The following GNAQ variants were observed in gnomAD, a reference collection of about 807,000 sequenced individuals.
GNAQ encodes guanine nucleotide-binding protein G(q) subunit alpha.
In GNAQ, 8 loss-of-function variants were observed where a neutral mutation model predicts 43.9. The observed-to-expected ratio is 0.18, with a 90% CI of 0.11 to 0.33. The LOEUF is 0.33. GNAQ is among the 10% of genes least tolerant of loss of function. The pLI, the probability that GNAQ is intolerant of heterozygous loss-of-function variation, is 1.00. For missense variants in GNAQ, 158 were observed against 450.8 expected (o/e 0.35, Z 5.88); for synonymous variants, 155 against 170.7 (o/e 0.91, Z 0.71).
chr9:77,940,508 G>A (rs1829299280), intron 1 of GNAQ, among the ~76,000 whole-genome samples: 3 of 152,120 alleles, frequency 2.0e-5, no homozygotes, highest in Admixed American at 1.3e-4. Flanking sequence ...GAGCCTGGGA[G>A]GTCAAGGCTG....
chr9:77,958,590 G>C (rs1484791820), intron 1 of GNAQ, among the ~76,000 whole-genome samples: 1 of 152,144 alleles, frequency 6.6e-6, no homozygotes, highest in Admixed American at 6.5e-5. Flanking sequence ...AACCAGTTTA[G>C]GTTAAATTAT....
At chr9:77,991,571 C>G (rs561030483) in intron 1 of GNAQ, among the ~76,000 whole-genome samples, 1 of 152,212 alleles carries the variant, frequency 6.6e-6, no homozygotes, top group Admixed American at 6.5e-5. Context: ...TCTTAAAAAT[C>G]TTTTTTTAAT....
chr9:77,901,409 GTTCC>G (rs891272031), intron 2 of GNAQ, among the ~76,000 whole-genome samples: 5 of 152,138 alleles, frequency 3.3e-5, no homozygotes, highest in African/African-American at 1.2e-4. Context: ...TCCTGGGACT[GTTCC>G]TGTACTTTCT....
chr9:77,925,379 T>A (rs1587413392), intron 1 of GNAQ, among the ~76,000 whole-genome samples: 1 of 152,162 alleles, frequency 6.6e-6, no homozygotes, highest in African/African-American at 2.4e-5. Context: ...AAGCCAATCA[T>A]GATAAAGAAA....
intron 1 of GNAQ, among the ~76,000 whole-genome samples, chr9:77,942,291 G>T (rs1383231665): frequency 6.6e-6 from 1 of 152,118 alleles, no homozygotes; most frequent in Non-Finnish European, 1.5e-5. Context: ...AGATAAAACT[G>T]AGATAAAATA....
chr9:77,788,867 T>C (rs1034648490), intron 5 of GNAQ, among the ~76,000 whole-genome samples: 14 of 152,318 alleles, frequency 9.2e-5, no homozygotes, highest in Admixed American at 2.0e-4. Context: ...ATTCTAACAC[T>C]TGGTTCCCTC....
chr9:77,795,994 T>C (rs1826652417), intron 4 of GNAQ, among the ~76,000 whole-genome samples: 1 of 152,238 alleles, frequency 6.6e-6, no homozygotes, highest in African/African-American at 2.4e-5. Flanking sequence ...TGAAATGCTA[T>C]GTTTTCTAAA....
At chr9:77,912,984 A>C (rs376491161) in intron 2 of GNAQ, among the ~76,000 whole-genome samples, 1 of 152,136 alleles carries the variant, frequency 6.6e-6, no homozygotes, top group East Asian at 1.9e-4. Flanking sequence ...CACAAACCAA[A>C]ACTAGTAATA....
At chr9:77,933,293 G>A (rs887622092) in intron 1 of GNAQ, among the ~76,000 whole-genome samples, 3 of 152,150 alleles carry the variant, frequency 2.0e-5, no homozygotes, top group Admixed American at 1.3e-4. Flanking sequence ...AATCTCCTTA[G>A]CTAAAGAAAA....
At chr9:77,822,344 A>G (rs1037896551) in intron 2 of GNAQ, among the ~76,000 whole-genome samples, 1 of 152,182 alleles carries the variant, frequency 6.6e-6, no homozygotes, top group African/African-American at 2.4e-5. Context: ...ACCCTGGCAT[A>G]ATAGGTAAAT....
chr9:78,001,260 G>A (rs1449032865), intron 1 of GNAQ, among the ~76,000 whole-genome samples: 1 of 152,020 alleles, frequency 6.6e-6, no homozygotes, highest in African/African-American at 2.4e-5. Flanking sequence ...AAATTGCCAG[G>A]CTTGGTAGTG....
chr9:77,990,863 C>A (rs1258446686), intron 1 of GNAQ, among the ~76,000 whole-genome samples: 1 of 152,178 alleles, frequency 6.6e-6, no homozygotes, highest in East Asian at 1.9e-4. Context: ...TTTGCCTGCC[C>A]TCTCATACAC....
chr9:77,805,662 C>T (rs539996283), intron 3 of GNAQ, among the ~76,000 whole-genome samples: 26 of 152,178 alleles, frequency 1.7e-4, no homozygotes, highest in Non-Finnish European at 3.2e-4. Context: ...CCTCAGCCTC[C>T]CAAAGTGCTG....
intron 5 of GNAQ, among the ~76,000 whole-genome samples, chr9:77,793,909 C>T (rs1370221203): frequency 4.6e-5 from 7 of 152,270 alleles, no homozygotes; most frequent in East Asian, 1.9e-4. Flanking sequence ...CAACTGCTCA[C>T]TGCTTAATAG....
chr9:77,855,481 T>C (rs1032656591), intron 2 of GNAQ, among the ~76,000 whole-genome samples: 1 of 152,172 alleles, frequency 6.6e-6, no homozygotes, highest in South Asian at 2.1e-4. Flanking sequence ...TTTTGCATGG[T>C]ATATCTATAT....
chr9:77,852,764 C>A (rs1310001644), intron 2 of GNAQ, among the ~76,000 whole-genome samples: 4 of 152,342 alleles, frequency 2.6e-5, no homozygotes, highest in East Asian at 3.9e-4. Context: ...GGAAACCTCA[C>A]ATTTTCATAT....
intron 5 of GNAQ, among the ~76,000 whole-genome samples, chr9:77,734,708 T>C (rs776939940): frequency 3.3e-5 from 5 of 151,940 alleles, no homozygotes; most frequent in Non-Finnish European, 5.9e-5. Context: ...GTGACTGTGA[T>C]TCTGTGATGA....
chr9:77,857,725 TA>T (rs1445404412), intron 2 of GNAQ, among the ~76,000 whole-genome samples: 27 of 150,776 alleles, frequency 1.8e-4, no homozygotes, highest in African/African-American at 6.1e-4. Context: ...AGAGTCTACC[TA>T]AATTTCTACT....
At chr9:77,988,176 G>A (rs891865193) in intron 1 of GNAQ, among the ~76,000 whole-genome samples, 1 of 152,212 alleles carries the variant, frequency 6.6e-6, no homozygotes, top group Non-Finnish European at 1.5e-5. Flanking sequence ...GAGAATGGAA[G>A]GAAACAGTAA....
Sources: allele counts gnomAD v4.1 joint callset (sites outside exome capture counted in the v4.1 genomes callset), GRCh38; gene constraint gnomAD v4.1.1; transcripts MANE v1.5; gene names NCBI Gene and HGNC (gene_info 2026-07-23, HGNC 2026-07-21).